Variants in FGF14 observed in about 807,000 individuals in gnomAD.
FGF14 encodes fibroblast growth factor 14, also known as fibroblast growth factor homologous factor 4.
A neutral mutation model predicts 25.5 loss-of-function variants in FGF14; 5 were observed. The ratio of observed to expected loss-of-function variants is 0.20; its 90% CI spans 0.10 to 0.41. The LOEUF (loss-of-function observed/expected upper bound fraction) is 0.41. FGF14 is among the 10% of genes least tolerant of loss of function. The pLI is 1.00. For synonymous variants in FGF14, 138 were observed against 118.3 expected (o/e 1.17, Z -1.08); for missense variants, 222 against 320.1 (o/e 0.69, Z 2.34).
At chr13:102,183,949 A>C (rs1186577478) in intron 1 of FGF14, among the ~76,000 whole-genome samples, 1 of 152,190 alleles carries the variant, frequency 6.6e-6, no homozygotes, top group African/African-American at 2.4e-5. Context: ...TTGGCTCATC[A>C]TACAGGGTGC....
In FGF14 at chr13:102,014,379, A is replaced by C. The variant is rs150244284; in HGVS notation, c.209-139083T>G. Among the ~76,000 whole-genome samples, 13 of 152,312 alleles carry C rather than the reference A, an allele frequency of 8.5e-5. No individual in the cohort carries two copies. In the East Asian group the frequency reaches 2.5e-3, roughly 29 times the overall value. The stretch of plus-strand genomic sequence containing the variant: ...TCAGTATAATTTCACATATGTATAG[A>C]TTGACCAGAACCAGGCATATTCCTA... On this transcript the variant is annotated intron_variant, in intron 1 of 4. Transcript: ENST00000376131.
At chr13:101,904,608 A>G (rs779751644) in intron 1 of FGF14, among the ~76,000 whole-genome samples, 2 of 152,228 alleles carry the variant, frequency 1.3e-5, no homozygotes, top group African/African-American at 2.4e-5. Context: ...AACTACTACC[A>G]TAGGGCAAAA....
At chr13:102,058,743 T>G (rs1043237972) in intron 1 of FGF14, among the ~76,000 whole-genome samples, 3 of 151,988 alleles carry the variant, frequency 2.0e-5, no homozygotes, top group African/African-American at 7.3e-5. Context: ...TTTTAATGAG[T>G]TTTTTAATGT....
intron 1 of FGF14, among the ~76,000 whole-genome samples, chr13:102,159,509 G>A (rs2047525373): frequency 6.6e-6 from 1 of 152,160 alleles, no homozygotes; most frequent in African/African-American, 2.4e-5. Flanking sequence ...TATTAAATGG[G>A]CTTTCAGAAA....
chr13:101,927,776 C>T (rs2034468428), intron 1 of FGF14, among the ~76,000 whole-genome samples: 1 of 152,132 alleles, frequency 6.6e-6, no homozygotes, highest in South Asian at 2.1e-4. Flanking sequence ...CCTACACACT[C>T]CTGGCTTTCC....
chr13:102,084,950 C>T (rs2043821102), intron 1 of FGF14, among the ~76,000 whole-genome samples: 2 of 152,124 alleles, frequency 1.3e-5, no homozygotes, highest in Non-Finnish European at 2.9e-5. Context: ...AAGTTTTGGA[C>T]TTTATTCTTT....
In FGF14 at chr13:101,929,589, A is replaced by G. The variant is rs373300805; in HGVS notation, c.209-54293T>C. On this transcript the variant is annotated intron_variant, in intron 1 of 4. Coordinates refer to the FGF14 transcript ENST00000376131. ...AGGTTTGCAGTAGACCCACTCAATT[A>G]CCTGGGCGTTGTCACGTCATCTGAC... is the stretch of plus-strand genomic sequence containing the variant. Among the ~76,000 whole-genome samples the G allele has an allele frequency of 3.3e-5, 5 of 152,290 alleles. 1 individual carries two copies. Among genetic ancestry groups the G allele is most frequent in the East Asian group, 1.9e-4 (1 of 5,190 alleles).
At chr13:102,208,609 G>A (rs1180250315) in intron 1 of FGF14, among the ~76,000 whole-genome samples, 2 of 152,130 alleles carry the variant, frequency 1.3e-5, no homozygotes, top group Non-Finnish European at 2.9e-5. Context: ...CATATTCCCT[G>A]TTAAAAACCA....
At chr13:102,125,436 C>T (rs2045912378) in intron 1 of FGF14, among the ~76,000 whole-genome samples, 1 of 152,098 alleles carries the variant, frequency 6.6e-6, no homozygotes, top group African/African-American at 2.4e-5. Context: ...AATCATAGAG[C>T]CAATTCTCAA....
chr13:101,903,589 G>T (rs1183723168), intron 1 of FGF14, among the ~76,000 whole-genome samples: 1 of 152,178 alleles, frequency 6.6e-6, no homozygotes, highest in South Asian at 2.1e-4. Context: ...CAGGAGAATT[G>T]TAGCTTTTAT....
At chr13:102,300,538 ATCT>A (rs1435602216) in intron 1 of FGF14, among the ~76,000 whole-genome samples, 3 of 152,048 alleles carry the variant, frequency 2.0e-5, no homozygotes, top group African/African-American at 7.2e-5. Flanking sequence ...CTTCTACATA[ATCT>A]TCTATAACCC....
chr13:101,866,556 T>C (rs1014614492), intron 3 of FGF14, among the ~76,000 whole-genome samples: 8 of 151,986 alleles, frequency 5.3e-5, no homozygotes, highest in African/African-American at 7.2e-5. Flanking sequence ...ACAGAGTGGA[T>C]TGTACAAATA....
intron 1 of FGF14, among the ~76,000 whole-genome samples, chr13:102,270,853 A>AT (rs1359129704): frequency 6.6e-6 from 1 of 152,180 alleles, no homozygotes; most frequent in Non-Finnish European, 1.5e-5. Flanking sequence ...GTGTTTGGGT[A>AT]TATATTCTGT....
At chr13:102,274,308 A>G (rs557157832) in intron 1 of FGF14, among the ~76,000 whole-genome samples, 2 of 152,260 alleles carry the variant, frequency 1.3e-5, no homozygotes, top group South Asian at 4.1e-4. Flanking sequence ...TATACCTCTG[A>G]GTGTCGGAAA....
At chr13:102,009,917 A>T (rs1363139772) in intron 1 of FGF14, among the ~76,000 whole-genome samples, 3 of 152,198 alleles carry the variant, frequency 2.0e-5, no homozygotes, top group Admixed American at 2.0e-4. Context: ...AAGAATGATG[A>T]TATTTTCCAA....
chr13:101,876,795 A>G (rs2045419852), intron 1 of FGF14, among the ~76,000 whole-genome samples: 1 of 152,158 alleles, frequency 6.6e-6, no homozygotes. Context: ...GATATGCACT[A>G]GTGGAAAAAA....
chr13:101,771,994 A>T (rs2038803526), intron 3 of FGF14, among the ~76,000 whole-genome samples: 1 of 152,068 alleles, frequency 6.6e-6, no homozygotes, highest in Admixed American at 6.6e-5. Context: ...AAAATACATA[A>T]GTAATATATT....
At chr13:102,128,022 G>T (rs971160530) in intron 1 of FGF14, among the ~76,000 whole-genome samples, 2 of 152,066 alleles carry the variant, frequency 1.3e-5, no homozygotes, top group African/African-American at 4.8e-5. Context: ...ACACCTTTCT[G>T]AACACTGCCT....
chr13:102,015,411 T>A (rs965146839), intron 1 of FGF14, among the ~76,000 whole-genome samples: 2 of 152,148 alleles, frequency 1.3e-5, no homozygotes, highest in African/African-American at 2.4e-5. Context: ...AGATCCATAG[T>A]AGAAGAATGA....
Sources: gnomAD v4.1 joint callset for allele counts (sites outside exome capture counted in the v4.1 genomes callset) on GRCh38, gnomAD v4.1.1 for gene constraint, MANE v1.5 for transcripts, NCBI Gene and HGNC (gene_info 2026-07-23, HGNC 2026-07-21) for gene names.